The following RTTN variants were observed in gnomAD, a reference collection of about 807,000 sequenced individuals.
The protein encoded by RTTN is rotatin.
In RTTN, 182 loss-of-function variants were observed where a neutral mutation model predicts 269.2. The ratio of observed to expected loss-of-function variants is 0.68; its 90% CI spans 0.60 to 0.76. RTTN has a LOEUF of 0.76. Ranked by LOEUF, RTTN falls within the 30% of genes least tolerant of loss-of-function variation. The pLI is 0.00. For missense variants in RTTN, 2,545 were observed against 2,608.6 expected, an observed-to-expected ratio of 0.98 and a Z score of 0.53; for synonymous variants, 1,006 against 963.5, an observed-to-expected ratio of 1.04 and a Z score of -0.82.
chr18:70,166,818 T>A, intron 13 of RTTN, 101 bp downstream of exon 13: 2 of 737,722 alleles, frequency 2.7e-6, no homozygotes, highest in East Asian at 2.7e-5. Flanking sequence ...TAAAAAATAA[T>A]AACAAAGATA....
intron 10 of RTTN, among the ~76,000 whole-genome samples, chr18:70,187,119 T>C (rs949581591): frequency 6.6e-6 from 1 of 152,240 alleles, no homozygotes; most frequent in Admixed American, 6.5e-5. Flanking sequence ...GTACATAATT[T>C]ATATTAACAA....
intron 14 of RTTN, among the ~76,000 whole-genome samples, chr18:70,162,292 G>A (rs961516214): frequency 6.6e-6 from 1 of 152,074 alleles, no homozygotes; most frequent in Admixed American, 6.6e-5. Context: ...CTTAGAAGTG[G>A]GAACTAAACA....
chr18:70,061,462 T>C (rs2057983717), intron 35 of RTTN: 1 of 455,764 alleles, frequency 2.2e-6, no homozygotes, highest in African/African-American at 2.0e-5. Context: ...CATTGCTATT[T>C]AGAGTGTCAT....
At chr18:70,114,656 T>C (rs1045745159) in intron 26 of RTTN, 57 bp from the exon 27 acceptor site, 3 of 1,522,002 alleles carry the variant, frequency 2.0e-6, no homozygotes, top group South Asian at 1.2e-5. Context: ...TATTGTTTCC[T>C]ATAAAGGGTT....
At chr18:70,188,404 A>T (rs553353674) in intron 9 of RTTN, among the ~76,000 whole-genome samples, 181 bp from the exon 10 acceptor site, 1 of 152,226 alleles carries the variant, frequency 6.6e-6, no homozygotes, top group Non-Finnish European at 1.5e-5. Flanking sequence ...CTTCTGTTCC[A>T]GTCACAGTAC....
chr18:70,125,015 A>C (rs1003819825), intron 25 of RTTN, among the ~76,000 whole-genome samples: 4 of 152,052 alleles, frequency 2.6e-5, no homozygotes, highest in South Asian at 2.1e-4. Context: ...TGTTTTCTTA[A>C]AATAAGTTTC....
chr18:70,081,829 G>T (rs1257986856), intron 32 of RTTN, among the ~76,000 whole-genome samples: 1 of 151,746 alleles, frequency 6.6e-6, no homozygotes, highest in African/African-American at 2.4e-5. Flanking sequence ...AAATCCTTGA[G>T]TAATCTCCTA....
At chr18:70,026,435 C>G (rs963767105) in intron 43 of RTTN, among the ~76,000 whole-genome samples, 1 of 152,016 alleles carries the variant, frequency 6.6e-6, no homozygotes, top group East Asian at 1.9e-4. Context: ...GTGTGTGGTA[C>G]CTCCTCGCCA....
intron 46 of RTTN, among the ~76,000 whole-genome samples, chr18:70,009,403 T>A (rs535823298): frequency 1.3e-5 from 2 of 152,256 alleles, no homozygotes; most frequent in South Asian, 2.1e-4. Context: ...CCCAAAAGGC[T>A]GGGATTACAG....
intron 4 of RTTN, among the ~76,000 whole-genome samples, chr18:70,201,331 G>A (rs1401207021): frequency 3.9e-5 from 6 of 152,110 alleles, no homozygotes; most frequent in African/African-American, 7.2e-5. Flanking sequence ...GGCCGGGCGC[G>A]GTGGCTCACG....
chr18:70,059,567 G>C (rs972093688), intron 36 of RTTN, among the ~76,000 whole-genome samples: 5 of 152,130 alleles, frequency 3.3e-5, no homozygotes, highest in Non-Finnish European at 7.3e-5. Context: ...TTCCTTAAGT[G>C]TGCTGGAGGA....
At position 70,086,637 on chromosome 18, in the gene RTTN, T is replaced by C; in HGVS notation, c.4350A>G (p.Glu1450=). ...QNLLVIPMPT[E]IIKDYTWQGP... is the part of the protein sequence containing the mutation. ...CCTGCCAAGTATAATCCTTTATAATTTCTGTAGGCATTGGAATTACAAGGA... is the reference window on the plus strand; with the variant it reads ...CCTGCCAAGTATAATCCTTTATAATCTCTGTAGGCATTGGAATTACAAGGA... The change falls in exon 32 of 49, where the codon GAA becomes GAG. Residue 1450 remains glutamate, a synonymous_variant. Transcript: ENST00000640769. 6.3e-7 allele frequency: 1 copy of C among 1,586,252 alleles called. No homozygotes were observed. Among genetic ancestry groups the C allele is most frequent in the Non-Finnish European group, 8.5e-7 (1 of 1,170,580 alleles).
At position 70,109,696 on chromosome 18, in the gene RTTN, G is replaced by C. The variant is rs375510822; in HGVS notation, c.3705C>G (p.Tyr1235Ter). 6.2e-7 allele frequency: 1 copy of C among 1,613,876 alleles called. No individual in the cohort carries two copies. The highest frequency in any genetic ancestry group is 8.5e-7 in the Non-Finnish European group (1 of 1,179,982). ...VTDRKCSELL[Y>*]VFQTQLALKL... ...TCAGAGCCAGCTGCGTTTGAAAAAC[G>C]TAAAGAAGTTCCGAGCATTTCCTAT... The change falls in exon 28 of 49, where the codon TAC becomes TAG. Residue 1235 changes from tyrosine to a stop codon, truncating the protein, a stop_gained. Coordinates refer to ENST00000640769, the MANE Select transcript of RTTN (RefSeq NM_173630.4). LOFTEE classifies it high-confidence loss of function.
In RTTN at chr18:70,086,610, CA is replaced by C; in HGVS notation, c.4374+2del. The stretch of plus-strand genomic sequence containing the variant: ...AGGTTGATAATTGTTTAAAATCACC[CA>C]CCTGCCAAGTATAATCCTTTATAAT... On this transcript the variant is annotated splice_donor_variant, in intron 32 of 48. Coordinates refer to ENST00000640769, the MANE Select transcript of RTTN (RefSeq NM_173630.4). LOFTEE classifies it high-confidence loss of function. 6.4e-7 allele frequency: 1 copy of C among 1,561,556 alleles called. No individual in the cohort carries two copies.
At chr18:70,113,642 T>A (rs2059530715) in intron 27 of RTTN, among the ~76,000 whole-genome samples, 1 of 152,046 alleles carries the variant, frequency 6.6e-6, no homozygotes, top group South Asian at 2.1e-4. Flanking sequence ...TAGAAACAGA[T>A]CAAATGTCCA....
chr18:70,201,320 C>A (rs2061938590), intron 4 of RTTN, among the ~76,000 whole-genome samples: 1 of 151,970 alleles, frequency 6.6e-6, no homozygotes, highest in South Asian at 2.1e-4. Context: ...AACTCATGTT[C>A]GGCCGGGCGC....
chr18:70,154,924 T>C (rs950337803), intron 14 of RTTN, among the ~76,000 whole-genome samples: 1 of 152,160 alleles, frequency 6.6e-6, no homozygotes, highest in Non-Finnish European at 1.5e-5. Context: ...TTTGATATTA[T>C]CAAATATCTA....
intron 40 of RTTN, among the ~76,000 whole-genome samples, chr18:70,041,983 G>A (rs2057355035): frequency 1.3e-5 from 2 of 152,014 alleles, no homozygotes; most frequent in Non-Finnish European, 2.9e-5. Flanking sequence ...TATGCTCAGG[G>A]ATGTCAATCT....
At chr18:70,093,531 A>G (rs2058910973) in intron 28 of RTTN, among the ~76,000 whole-genome samples, 1 of 152,180 alleles carries the variant, frequency 6.6e-6, no homozygotes, top group African/African-American at 2.4e-5. Context: ...AATTTTATCG[A>G]AAGACTTTTC....
Sources: allele counts gnomAD v4.1 joint callset (sites outside exome capture counted in the v4.1 genomes callset), GRCh38; gene constraint gnomAD v4.1.1; transcripts MANE v1.5; gene names NCBI Gene and HGNC (gene_info 2026-07-23, HGNC 2026-07-21).